The following ANGPT1 variants were observed in gnomAD, a reference collection of about 807,000 sequenced individuals.
The protein encoded by ANGPT1 is angiopoietin-1.
A neutral mutation model predicts 62.2 loss-of-function variants in ANGPT1; 17 were observed. The ratio of observed to expected loss-of-function variants is 0.27; its 90% confidence interval spans 0.19 to 0.41. The LOEUF is 0.41. ANGPT1 is among the 10% of genes least tolerant of loss of function. The pLI is 1.00. For missense variants in ANGPT1, 478 were observed against 594.9 expected (o/e 0.80, Z 2.04); for synonymous variants, 199 against 198.9 (o/e 1.00, Z 0.00).
At chr8:107,457,954 TTCC>T (rs1286438398) in intron 1 of ANGPT1, among the ~76,000 whole-genome samples, 1 of 151,830 alleles carries the variant, frequency 6.6e-6, no homozygotes, top group African/African-American at 2.4e-5. Flanking sequence ...ACTGTTCCAG[TTCC>T]TCCTCCTATA....
chr8:107,441,682 T>C (rs1258806735), intron 1 of ANGPT1, among the ~76,000 whole-genome samples: 1 of 152,180 alleles, frequency 6.6e-6, no homozygotes, highest in East Asian at 1.9e-4. Context: ...ATGAGAATAA[T>C]AACCTCCGAG....
chr8:107,486,059 G>A (rs1029450496), intron 1 of ANGPT1, among the ~76,000 whole-genome samples: 33 of 152,298 alleles, frequency 2.2e-4, no homozygotes, highest in African/African-American at 7.7e-4. Context: ...CAGTGCCACC[G>A]TCAATTTAAC....
At chr8:107,463,488 A>T (rs2130481598) in intron 1 of ANGPT1, among the ~76,000 whole-genome samples, 1 of 152,270 alleles carries the variant, frequency 6.6e-6, no homozygotes, top group Admixed American at 6.6e-5. Context: ...TCCTCCTGAG[A>T]GTTAGAATAT....
intron 1 of ANGPT1, among the ~76,000 whole-genome samples, chr8:107,348,209 T>C (rs1446409447): frequency 1.3e-5 from 2 of 152,206 alleles, no homozygotes; most frequent in Non-Finnish European, 2.9e-5. Context: ...AAGTCGTGCT[T>C]CACAAGCCGG....
chr8:107,364,919 GT>G (rs2130219097), intron 1 of ANGPT1, among the ~76,000 whole-genome samples: 1 of 152,144 alleles, frequency 6.6e-6, no homozygotes, highest in Admixed American at 6.6e-5. Flanking sequence ...GAAAAGAACT[GT>G]GCAGGTAAGA....
intron 1 of ANGPT1, among the ~76,000 whole-genome samples, chr8:107,425,332 C>T (rs747167655): frequency 1.8e-4 from 27 of 152,132 alleles, no homozygotes; most frequent in Admixed American, 5.2e-4. Flanking sequence ...TCTGTTTATT[C>T]GCTGACTTAT....
intron 1 of ANGPT1, 36 bp downstream of exon 1, chr8:107,497,226 G>T: frequency 6.3e-7 from 1 of 1,599,066 alleles, no homozygotes; most frequent in Non-Finnish European, 8.5e-7. Context: ...AAAGGAAAAA[G>T]GTCCGTGCTA....
rs570773955 is a variant in ANGPT1, at chr8:107,336,349, A to G, written c.454-78T>C. ...TTTTTAAGTTTTATTTTGTCGTTAAATATTTTTTCAAGAATAATTTAACAA... is the reference window on the plus strand; with the variant it reads ...TTTTTAAGTTTTATTTTGTCGTTAAGTATTTTTTCAAGAATAATTTAACAA... On this transcript the variant is annotated intron_variant, in intron 2 of 8. Coordinates refer to ENST00000517746, the MANE Select transcript of ANGPT1 (RefSeq NM_001146.5). The G allele has an allele frequency of 5.2e-4, 778 of 1,500,486 alleles. 6 individuals are homozygous for G. The highest frequency in any genetic ancestry group is 1.8e-4 in the South Asian group (14 of 76,034). The allele number at this position is 1,500,486 out of a possible 1,614,324, so 92.9% of individuals were successfully genotyped here.
In ANGPT1 at chr8:107,464,470, T is replaced by C. The variant is rs547103606; in HGVS notation, c.297+32792A>G. ...TTCATTCATTTATTCATTCATTCAATACACATTTATCTTGTCCCTACTATA... is the reference window on the plus strand; with the variant it reads ...TTCATTCATTTATTCATTCATTCAACACACATTTATCTTGTCCCTACTATA... On this transcript the variant is annotated intron_variant, in intron 1 of 8. Transcript: ENST00000517746. Among the ~76,000 whole-genome samples the C allele has an allele frequency of 2.0e-5, 3 of 152,242 alleles. No individual in the cohort carries two copies. In the South Asian group the frequency reaches 6.2e-4, roughly 32 times the overall value.
chr8:107,348,297 T>C (rs1026667256), intron 1 of ANGPT1, among the ~76,000 whole-genome samples: 1 of 152,234 alleles, frequency 6.6e-6, no homozygotes, highest in African/African-American at 2.4e-5. Flanking sequence ...TAATCCATAG[T>C]AAAATTATTA....
chr8:107,255,818 A>T (rs1193196118), intron 8 of ANGPT1, among the ~76,000 whole-genome samples: 1 of 152,210 alleles, frequency 6.6e-6, no homozygotes, highest in East Asian at 1.9e-4. Flanking sequence ...GCTGTAAGTT[A>T]TCTAGAAAAT....
chr8:107,448,173 G>A (rs1281712997), intron 1 of ANGPT1, among the ~76,000 whole-genome samples: 2 of 152,164 alleles, frequency 1.3e-5, no homozygotes, highest in Non-Finnish European at 2.9e-5. Flanking sequence ...GTTTTAATAA[G>A]AAGGTAATTA....
chr8:107,470,242 A>G (rs1812317335), intron 1 of ANGPT1, among the ~76,000 whole-genome samples: 1 of 152,200 alleles, frequency 6.6e-6, no homozygotes, highest in Non-Finnish European at 1.5e-5. Flanking sequence ...AAGGAAATTA[A>G]TATGTTTTTG....
At chr8:107,406,495 A>G (rs1191843580) in intron 1 of ANGPT1, among the ~76,000 whole-genome samples, 1 of 152,064 alleles carries the variant, frequency 6.6e-6, no homozygotes, top group Non-Finnish European at 1.5e-5. Flanking sequence ...AATGACCATC[A>G]ATAGCTAAAA....
chr8:107,277,639 A>G (rs1206505652), intron 7 of ANGPT1, among the ~76,000 whole-genome samples: 2 of 152,216 alleles, frequency 1.3e-5, no homozygotes, highest in African/African-American at 4.8e-5. Context: ...GCTTAGCCCA[A>G]TCAATAATGG....
intron 1 of ANGPT1, among the ~76,000 whole-genome samples, chr8:107,370,441 A>G (rs571149156): frequency 6.6e-6 from 1 of 151,692 alleles, no homozygotes; most frequent in East Asian, 1.9e-4. Context: ...CTATAATCCT[A>G]ACACCTTGGG....
intron 1 of ANGPT1, among the ~76,000 whole-genome samples, chr8:107,484,815 G>A (rs552450690): frequency 3.3e-5 from 5 of 152,326 alleles, no homozygotes; most frequent in African/African-American, 1.2e-4. Flanking sequence ...GGCAGAAAAT[G>A]TGATTATGTT....
intron 1 of ANGPT1, among the ~76,000 whole-genome samples, chr8:107,411,834 T>G (rs1810592074): frequency 6.6e-6 from 1 of 152,102 alleles, no homozygotes; most frequent in African/African-American, 2.4e-5. Flanking sequence ...ATCTACAATC[T>G]TTCTCTCTTT....
At chr8:107,328,713 T>C (rs982850505) in intron 3 of ANGPT1, among the ~76,000 whole-genome samples, 1 of 151,856 alleles carries the variant, frequency 6.6e-6, no homozygotes, top group Non-Finnish European at 1.5e-5. Context: ...GAAATGCAAA[T>C]GGTTAATACA....
Sources: allele counts gnomAD v4.1 joint callset (sites outside exome capture counted in the v4.1 genomes callset), GRCh38; gene constraint gnomAD v4.1.1; transcripts MANE v1.5; gene names NCBI Gene and HGNC (gene_info 2026-07-23, HGNC 2026-07-21).